ADORA2B: variants seen among roughly 807,000 people sequenced by gnomAD.
ADORA2B encodes the protein adenosine A2b receptor.
A neutral mutation model predicts 20.8 loss-of-function variants in ADORA2B; 18 were observed. The ratio of observed to expected loss-of-function variants is 0.87; its 90% confidence interval spans 0.60 to 1.29. The LOEUF is 1.29. ADORA2B is among the 50% of genes most tolerant of loss of function. The probability of loss-of-function intolerance (pLI) is 0.00; values close to 1 mark genes in which losing one functional copy is unlikely to be tolerated. For synonymous variants in ADORA2B, 179 were observed against 178.3 expected, an observed-to-expected ratio of 1.00 and a Z score of -0.03; for missense variants, 441 against 422.7, an observed-to-expected ratio of 1.04 and a Z score of -0.38.
the ADORA2B span, among the ~76,000 whole-genome samples, chr17:15,900,863 G>A: frequency 6.6e-6 from 1 of 152,224 alleles, no homozygotes; most frequent in African/African-American, 2.4e-5. Context: ...CACCATGTAA[G>A]GAAAGCGTCT....
chr17:15,966,751 CCT>C (rs1353051365), intron 1 of ADORA2B, among the ~76,000 whole-genome samples: 1 of 152,226 alleles, frequency 6.6e-6, no homozygotes, highest in Non-Finnish European at 1.5e-5. Flanking sequence ...CCAGAACTCC[CCT>C]GTTGTGTGGG....
the ADORA2B span, among the ~76,000 whole-genome samples, chr17:15,929,008 G>A: frequency 6.6e-6 from 1 of 152,120 alleles, no homozygotes; most frequent in Non-Finnish European, 1.5e-5. Context: ...TCAGCTGCAG[G>A]TCCTCAGAGA....
chr17:15,944,578 C>T (rs114870354), upstream of ADORA2B, among the ~76,000 whole-genome samples: 5,546 of 152,038 alleles, frequency 0.036, 372 homozygotes, highest in African/African-American at 0.13. This position sits in a 1 kb window ranked among gnomAD's most constrained non-coding sequence, Gnocchi z 4.8. Flanking sequence ...GAGGGGGCTG[C>T]AGCCCCCGAG....
chr17:15,940,922 ACAAGCCTAAGAGG>A (rs150238475), upstream of ADORA2B, among the ~76,000 whole-genome samples: 5,843 of 152,264 alleles, frequency 0.038, 392 homozygotes, highest in African/African-American at 0.13. Flanking sequence ...CCATGTGGCA[ACAAGCCTAAGAGG>A]AAAGCTACTG....
the ADORA2B span, among the ~76,000 whole-genome samples, chr17:15,939,690 C>T: frequency 6.6e-6 from 1 of 151,678 alleles, no homozygotes; most frequent in African/African-American, 2.4e-5. Context: ...AACCCTGTCT[C>T]TACTAAAAAT....
chr17:15,957,922 G>GT lies in ADORA2B; in HGVS notation c.335+12348dup, dbSNP rs1045424369. 5.0e-3 allele frequency among the ~76,000 whole-genome samples: 749 copies of GT among 149,816 alleles called. 8 individuals carry two copies. The highest frequency in any genetic ancestry group is 0.016 in the African/African-American group (649 of 40,822). ...GCTGATTTTAGCACCACTGCTGAGT[G>GT]TTTTTTTTTGTTTGTTTGTTTTGTT... is the stretch of plus-strand genomic sequence containing the variant. On this transcript the variant is annotated intron_variant, in intron 1 of 1. Transcript: ENST00000304222.
the ADORA2B span, among the ~76,000 whole-genome samples, chr17:15,862,274 G>T: frequency 1.4e-5 from 2 of 140,982 alleles, no homozygotes; most frequent in Non-Finnish European, 3.0e-5. Context: ...GGAGTACAGT[G>T]GCGTGATCTG....
chr17:15,865,325 G>C, the ADORA2B span, among the ~76,000 whole-genome samples: 1 of 151,918 alleles, frequency 6.6e-6, no homozygotes, highest in Non-Finnish European at 1.5e-5. Context: ...GCAGTGGCGT[G>C]ATCTCGGCTC....
chr17:15,958,895 G>C (rs1970002950), intron 1 of ADORA2B, among the ~76,000 whole-genome samples: 1 of 152,168 alleles, frequency 6.6e-6, no homozygotes. Flanking sequence ...GCACATGTCT[G>C]TTGCTTTCTC....
chr17:15,969,291 A>G (rs1308401121), intron 1 of ADORA2B, among the ~76,000 whole-genome samples: 1 of 151,840 alleles, frequency 6.6e-6, no homozygotes, highest in African/African-American at 2.4e-5. Flanking sequence ...TCTACTAAAA[A>G]TACAAAAAAA....
At chr17:15,906,500 A>G in the ADORA2B span, among the ~76,000 whole-genome samples, 73 of 152,320 alleles carry the variant, frequency 4.8e-4, no homozygotes, top group African/African-American at 1.7e-3. Flanking sequence ...TAATGGATTC[A>G]ATTTGCTATA....
At chr17:15,889,463 A>C in the ADORA2B span, among the ~76,000 whole-genome samples, 11 of 130,764 alleles carry the variant, frequency 8.4e-5, 1 homozygote, top group East Asian at 2.0e-4. Flanking sequence ...AGTGAAAAAC[A>C]TAAGTACCTA....
chr17:15,857,185 G>A, the ADORA2B span, among the ~76,000 whole-genome samples: 1 of 152,240 alleles, frequency 6.6e-6, no homozygotes, highest in South Asian at 2.1e-4. Flanking sequence ...CCAAGTCTTG[G>A]TGGCTTCCAT....
the ADORA2B span, among the ~76,000 whole-genome samples, chr17:15,867,383 T>A: frequency 6.7e-6 from 1 of 150,218 alleles, no homozygotes; most frequent in Non-Finnish European, 1.5e-5. Context: ...TGTGGGGAGC[T>A]CCTCTGCTCT....
At chr17:15,928,148 A>G in the ADORA2B span, among the ~76,000 whole-genome samples, 8 of 152,174 alleles carry the variant, frequency 5.3e-5, no homozygotes, top group Non-Finnish European at 8.8e-5. Flanking sequence ...ATGGGTGACA[A>G]ACTGCTGAGC....
chr17:15,881,670 T>C, the ADORA2B span, among the ~76,000 whole-genome samples: 1 of 152,242 alleles, frequency 6.6e-6, no homozygotes, highest in Non-Finnish European at 1.5e-5. Context: ...AGACGTGGAC[T>C]CACACCGCAT....
chr17:15,862,211 CTTTTTTT>C, the ADORA2B span, among the ~76,000 whole-genome samples: 8 of 96,248 alleles, frequency 8.3e-5, no homozygotes, highest in African/African-American at 3.9e-4. Context: ...CTTTTCTTTT[CTTTTTTT>C]TTTTTTTTTT....
chr17:15,914,173 A>G, the ADORA2B span, among the ~76,000 whole-genome samples: 3 of 152,172 alleles, frequency 2.0e-5, no homozygotes, highest in African/African-American at 4.8e-5. Context: ...TTGACCACCT[A>G]TAGTTGGAAG....
the ADORA2B span, among the ~76,000 whole-genome samples, chr17:15,860,119 G>A: frequency 1.4e-4 from 21 of 152,090 alleles, no homozygotes; most frequent in African/African-American, 5.1e-4. Context: ...CCCCAGTCAG[G>A]TACCCCCTGC....
Sources: allele counts gnomAD v4.1 joint callset (sites outside exome capture counted in the v4.1 genomes callset), GRCh38; gene constraint gnomAD v4.1.1; non-coding constraint Gnocchi (gnomAD v3.1); transcripts MANE v1.5; gene names NCBI Gene and HGNC (gene_info 2026-07-23, HGNC 2026-07-21).